MCU: variants seen among roughly 807,000 people sequenced by gnomAD.
The protein encoded by MCU is mitochondrial calcium uniporter, also known as calcium uniporter protein, mitochondrial.
In MCU, 12 loss-of-function variants were observed where a neutral mutation model predicts 45.2. That is an observed-to-expected ratio of 0.27 (90% CI 0.17 to 0.43). MCU has a LOEUF of 0.43. MCU is among the 20% of genes least tolerant of loss of function. The pLI, the probability that MCU is intolerant of heterozygous loss-of-function variation, is 1.00. For synonymous variants in MCU, 160 were observed against 165.1 expected (o/e 0.97, Z 0.24); for missense variants, 324 against 436.7 (o/e 0.74, Z 2.30).
intron 4 of MCU, chr10:72,861,795 C>A (rs1845381352): frequency 2.1e-5 from 6 of 288,002 alleles, no homozygotes; most frequent in Admixed American, 4.9e-5. Context: ...CCGCACCCAG[C>A]AAGATAAATA....
intron 4 of MCU, among the ~76,000 whole-genome samples, chr10:72,867,592 G>A: frequency 6.6e-6 from 1 of 152,166 alleles, no homozygotes; most frequent in Non-Finnish European, 1.5e-5. Flanking sequence ...GGTGGCTCAA[G>A]CCTGTAATCC....
chr10:72,740,745 G>A (rs1483153736), intron 1 of MCU, among the ~76,000 whole-genome samples: 1 of 152,218 alleles, frequency 6.6e-6, no homozygotes, highest in African/African-American at 2.4e-5. Context: ...TTGCTCCTTT[G>A]CTGGGGCAGC....
At chr10:72,821,251 T>C (rs968899145) in intron 1 of MCU, among the ~76,000 whole-genome samples, 2 of 152,018 alleles carry the variant, frequency 1.3e-5, no homozygotes, top group African/African-American at 4.8e-5. Context: ...CTAAAACTTT[T>C]GGTCTTCAAG....
At chr10:72,833,882 A>G (rs1375480394) in intron 1 of MCU, among the ~76,000 whole-genome samples, 1 of 152,214 alleles carries the variant, frequency 6.6e-6, no homozygotes, top group Non-Finnish European at 1.5e-5. Flanking sequence ...GAGAGTGAAC[A>G]TAAAGACCAG....
At chr10:72,874,757 T>G (rs1845594412) in intron 6 of MCU, among the ~76,000 whole-genome samples, 1 of 152,214 alleles carries the variant, frequency 6.6e-6, no homozygotes, top group Non-Finnish European at 1.5e-5. Flanking sequence ...CAACCATGTT[T>G]TCAGCCAAAC....
intron 2 of MCU, among the ~76,000 whole-genome samples, chr10:72,841,151 A>T (rs1589490347): frequency 6.6e-6 from 1 of 152,292 alleles, no homozygotes; most frequent in East Asian, 1.9e-4. Flanking sequence ...GTTAGTTCCT[A>T]GTTTTTGTCT....
At chr10:72,733,557 C>CT (rs1230057661) in intron 1 of MCU, among the ~76,000 whole-genome samples, 3 of 151,672 alleles carry the variant, frequency 2.0e-5, no homozygotes, top group African/African-American at 7.3e-5. Flanking sequence ...ACCCCCATGT[C>CT]TAAAAAAAGG....
chr10:72,781,120 G>T (rs1843987395), intron 1 of MCU, among the ~76,000 whole-genome samples: 2 of 152,202 alleles, frequency 1.3e-5, no homozygotes, highest in South Asian at 4.1e-4. Context: ...TGGAACTATG[G>T]AGGAAATTTA....
intron 1 of MCU, among the ~76,000 whole-genome samples, chr10:72,781,448 G>A (rs1564554946): frequency 6.6e-6 from 1 of 152,184 alleles, no homozygotes; most frequent in African/African-American, 2.4e-5. Context: ...TTAAGTCCTA[G>A]TCAGGTTATA....
chr10:72,788,737 A>G (rs1203021817), intron 1 of MCU, among the ~76,000 whole-genome samples: 1 of 152,266 alleles, frequency 6.6e-6, no homozygotes. Flanking sequence ...AGAGATGGCT[A>G]CAGGAAAATG....
intron 2 of MCU, among the ~76,000 whole-genome samples, chr10:72,842,772 T>A (rs1384967611): frequency 6.6e-6 from 1 of 151,590 alleles, no homozygotes; most frequent in East Asian, 1.9e-4. Context: ...TATGGCAATA[T>A]GAAGAAAATC....
chr10:72,873,270 G>A (rs1033384124), intron 6 of MCU, among the ~76,000 whole-genome samples: 16 of 151,896 alleles, frequency 1.1e-4, no homozygotes, highest in Middle Eastern at 6.8e-3. Context: ...CACCTGCCTC[G>A]GCCTCCCAAA....
chr10:72,867,317 C>T (rs1157765733), intron 4 of MCU, among the ~76,000 whole-genome samples: 1 of 151,978 alleles, frequency 6.6e-6, no homozygotes, highest in Non-Finnish European at 1.5e-5. Flanking sequence ...AAAAAATTGA[C>T]AGCTTTAATC....
At position 72,805,101 on chromosome 10, in the gene MCU, CTCTTTCTTTCTTTCTT is replaced by C. The variant is rs1161181455; in HGVS notation, c.151-29214_151-29199del. Among the ~76,000 whole-genome samples the C allele has an allele frequency of 3.1e-3, 322 of 103,448 alleles. 2 individuals carry two copies. Among genetic ancestry groups the C allele is most frequent in the African/African-American group, 9.9e-3 (230 of 23,310 alleles). The allele number at this position is 103,448 out of a possible 152,430, so 67.9% of individuals were successfully genotyped here. A position where few individuals can be genotyped will look rare whatever the true frequency, so the allele number is the denominator to read the frequency against. ...TGTTTCTTTCTTTCTTTCTTTCTTT[CTCTTTCTTTCTTTCTT>C]TCTTTCTTTCTTTCTTTCTTTCTTT... On this transcript the variant is annotated intron_variant, in intron 1 of 7. Coordinates refer to ENST00000373053, the MANE Select transcript of MCU (RefSeq NM_138357.3).
At position 72,885,833 on chromosome 10, in the gene MCU, G is replaced by T. The variant is rs767287664; in HGVS notation, c.*11G>T. The T allele has an allele frequency of 2.5e-6, 4 of 1,610,066 alleles. No individual in the cohort carries two copies. The South Asian group carries it at 4.4e-5, about 18-fold the overall frequency. On this transcript the variant is annotated 3_prime_UTR_variant, in exon 8 of 8. Coordinates refer to ENST00000373053, the MANE Select transcript of MCU (RefSeq NM_138357.3). ...GGTGAAAAAGATTGATCTGCAAAAA[G>T]CCTCTGAATCCTGGCAGAAGGAACA...
rs561387101 is a variant in MCU, at chr10:72,868,883, G to A, written c.657+20G>A. 2.5e-6 allele frequency: 4 copies of A among 1,609,636 alleles called. No homozygotes were observed. The South Asian group carries it at 4.4e-5, about 18-fold the overall frequency. On this transcript the variant is annotated intron_variant, in intron 5 of 7. Coordinates refer to ENST00000373053, the MANE Select transcript of MCU (RefSeq NM_138357.3). The stretch of plus-strand genomic sequence containing the variant: ...GAAAAGGTAAAACTTCCAATCTCAG[G>A]TTTTTTACCTTAACCTGTATTTTTT...
chr10:72,725,527 G>C (rs1376919779), intron 1 of MCU, among the ~76,000 whole-genome samples: 2 of 151,920 alleles, frequency 1.3e-5, no homozygotes, highest in African/African-American at 4.8e-5. Context: ...TCCCACCTGG[G>C]GCCTCCCAAA....
At chr10:72,784,784 A>G (rs1844047665) in intron 1 of MCU, among the ~76,000 whole-genome samples, 1 of 152,174 alleles carries the variant, frequency 6.6e-6, no homozygotes, top group Non-Finnish European at 1.5e-5. Flanking sequence ...GTTGCAGAGC[A>G]GCTTTGCCTT....
intron 1 of MCU, among the ~76,000 whole-genome samples, chr10:72,804,046 AT>A (rs1844385978): frequency 3.8e-5 from 3 of 79,976 alleles, no homozygotes; most frequent in African/African-American, 1.8e-4. Context: ...ATATATATAT[AT>A]ATATATATAT....
Sources: allele counts gnomAD v4.1 joint callset (sites outside exome capture counted in the v4.1 genomes callset), GRCh38; gene constraint gnomAD v4.1.1; transcripts MANE v1.5; gene names NCBI Gene and HGNC (gene_info 2026-07-23, HGNC 2026-07-21).